The following PTPRZ1 variants were observed in gnomAD, a reference collection of about 807,000 sequenced individuals.
PTPRZ1 encodes the protein protein tyrosine phosphatase receptor type Z1.
A neutral mutation model predicts 214.1 loss-of-function variants in PTPRZ1; 82 were observed. That is an observed-to-expected ratio of 0.38 (90% confidence interval 0.32 to 0.46). The LOEUF (loss-of-function observed/expected upper bound fraction) is 0.46, where lower values mean the gene tolerates loss of function less well. Among genes scored for constraint, PTPRZ1 ranks in the 20% least tolerant of loss-of-function variants. The pLI is 1.00. For missense variants in PTPRZ1, 2,603 were observed against 2,748.7 expected, an observed-to-expected ratio of 0.95 and a Z score of 1.19; for synonymous variants, 945 against 987.9, an observed-to-expected ratio of 0.96 and a Z score of 0.81.
chr7:121,983,940 T>G (rs1359700631), intron 7 of PTPRZ1, 27 bp from the exon 8 acceptor site: 4 of 1,607,316 alleles, frequency 2.5e-6, no homozygotes, highest in Admixed American at 3.4e-5. Flanking sequence ...GAAGCAGATA[T>G]GTTAAATTAT....
At chr7:122,003,095 G>T (rs1301278093) in intron 10 of PTPRZ1, among the ~76,000 whole-genome samples, 1 of 152,138 alleles carries the variant, frequency 6.6e-6, no homozygotes, top group African/African-American at 2.4e-5. Flanking sequence ...AAAGACACAA[G>T]TGTTTGAGAT....
chr7:121,986,604 C>G lies in PTPRZ1; in HGVS notation c.928+2487C>G, dbSNP rs185908620. On this transcript the variant is annotated intron_variant, in intron 8 of 29. Transcript: ENST00000393386. ...GGAGCTTGTAGGAATCGATTTTATT[C>G]CCTTAGACTATGTGTGTATATTGTC... Among the ~76,000 whole-genome samples the G allele has an allele frequency of 4.0e-3, 610 of 152,178 alleles. 6 individuals carry two copies. Among genetic ancestry groups the G allele is most frequent in the South Asian group, 4.2e-3 (20 of 4,818 alleles).
chr7:122,014,941 G>A (rs1280955469), intron 12 of PTPRZ1, among the ~76,000 whole-genome samples: 3 of 152,084 alleles, frequency 2.0e-5, no homozygotes, highest in African/African-American at 4.8e-5. Flanking sequence ...GCATTAATAT[G>A]TACAGTATGT....
At chr7:121,956,535 G>A (rs1260091244) in intron 2 of PTPRZ1, among the ~76,000 whole-genome samples, 1 of 152,194 alleles carries the variant, frequency 6.6e-6, no homozygotes, top group African/African-American at 2.4e-5. Flanking sequence ...GAAATGAAAT[G>A]AAAATGGCAG....
chr7:122,000,932 C>T (rs1027216212), intron 10 of PTPRZ1, among the ~76,000 whole-genome samples: 3 of 151,790 alleles, frequency 2.0e-5, no homozygotes, highest in African/African-American at 7.3e-5. Context: ...GATCCACCCA[C>T]CTCAGCCTCC....
At chr7:122,041,111 T>C (rs1799718759) in intron 21 of PTPRZ1, 132 bp downstream of exon 21, 1 of 798,516 alleles carries the variant, frequency 1.3e-6, no homozygotes, top group Non-Finnish European at 1.8e-6. Context: ...TATGTTCATT[T>C]TCATAAGTAT....
chr7:122,051,810 G>GTTGTTTTGTT lies in PTPRZ1; in HGVS notation c.6179-33_6179-24dup, dbSNP rs367945464. ...AGATGGTACAGTGCTGTGAGCATGAGTTGTTTTGTTTTGTTTTGTTTTGTT... is the reference window on the plus strand; with the variant it reads ...AGATGGTACAGTGCTGTGAGCATGAGTTGTTTTGTTTTGTTTTGTTTTGTTTTGTTTTGTT... On this transcript the variant is annotated intron_variant, in intron 24 of 29. Coordinates refer to ENST00000393386, the MANE Select transcript of PTPRZ1 (RefSeq NM_002851.3). 8.2e-4 allele frequency: 1,160 copies of GTTGTTTTGTT among 1,410,262 alleles called. 5 individuals are homozygous for GTTGTTTTGTT. In the African/African-American group the frequency reaches 0.013, roughly 16 times the overall value. The allele number at this position is 1,410,262 out of a possible 1,614,324, so 87.4% of individuals were successfully genotyped here. A position where few individuals can be genotyped will look rare whatever the true frequency, so the allele number is the denominator to read the frequency against.
chr7:122,052,087 G>T, intron 25 of PTPRZ1, 148 bp downstream of exon 25: 1 of 601,332 alleles, frequency 1.7e-6, no homozygotes. Context: ...ACAGTCCACA[G>T]CAACAGTTGT....
At chr7:122,039,610 C>A in intron 20 of PTPRZ1, 22 bp downstream of exon 20, 11 of 1,610,350 alleles carry the variant, frequency 6.8e-6, no homozygotes, top group Non-Finnish European at 9.3e-6. Flanking sequence ...AAATGATGGG[C>A]ATAATCAAGT....
At chr7:121,927,325 T>C (rs1185383377) in intron 1 of PTPRZ1, among the ~76,000 whole-genome samples, 3 of 152,234 alleles carry the variant, frequency 2.0e-5, no homozygotes, top group South Asian at 4.1e-4. Flanking sequence ...TTAATGTTAG[T>C]ACAGTCAGGG....
chr7:121,880,850 G>A (rs929950696), intron 1 of PTPRZ1, among the ~76,000 whole-genome samples: 4 of 152,148 alleles, frequency 2.6e-5, no homozygotes, highest in Non-Finnish European at 5.9e-5. Context: ...ACACAGAGTT[G>A]TGCAAAATCA....
In PTPRZ1 at chr7:121,972,952, G is replaced by C. The variant is rs532112666; in HGVS notation, c.456+260G>C. On this transcript the variant is annotated intron_variant, in intron 4 of 29. Coordinates refer to ENST00000393386, the MANE Select transcript of PTPRZ1 (RefSeq NM_002851.3). The stretch of plus-strand genomic sequence containing the variant: ...GAATTAATGAAGGAAGGAAAAGGGG[G>C]ACAATTTCATTAACATACTGGAGAA... 2.0e-5 allele frequency among the ~76,000 whole-genome samples: 3 copies of C among 152,142 alleles called. No homozygotes were observed. The East Asian group carries it at 5.8e-4, about 29-fold the overall frequency.
intron 10 of PTPRZ1, among the ~76,000 whole-genome samples, chr7:122,003,131 C>G (rs527588670): frequency 6.6e-6 from 1 of 151,670 alleles, no homozygotes; most frequent in Non-Finnish European, 1.5e-5. Flanking sequence ...AGTTTGGAAA[C>G]GTAAAGAATA....
intron 17 of PTPRZ1, among the ~76,000 whole-genome samples, chr7:122,034,969 C>G (rs937921541): frequency 6.6e-6 from 1 of 151,922 alleles, no homozygotes; most frequent in African/African-American, 2.4e-5. Flanking sequence ...AAATTATTGT[C>G]TTTCTTCTGT....
At chr7:121,910,336 T>A (rs1440929393) in intron 1 of PTPRZ1, among the ~76,000 whole-genome samples, 3 of 152,220 alleles carry the variant, frequency 2.0e-5, no homozygotes, top group African/African-American at 4.8e-5. Flanking sequence ...TTCTCCATAG[T>A]GTTTATCACC....
chr7:121,879,397 T>A (rs933516570), intron 1 of PTPRZ1, among the ~76,000 whole-genome samples: 1 of 152,104 alleles, frequency 6.6e-6, no homozygotes, highest in Non-Finnish European at 1.5e-5. Context: ...AAATAAAGTA[T>A]CTTGAGCCCA....
intron 27 of PTPRZ1, 44 bp from the exon 28 acceptor site, chr7:122,058,756 T>C (rs1183480588): frequency 6.5e-7 from 1 of 1,529,850 alleles, no homozygotes. Flanking sequence ...CCACTCCTGG[T>C]AAACTGTCAC....
intron 1 of PTPRZ1, among the ~76,000 whole-genome samples, chr7:121,886,227 A>C (rs1269046661): frequency 1.3e-5 from 2 of 152,164 alleles, no homozygotes; most frequent in Admixed American, 6.6e-5. Context: ...ATGCCAGACT[A>C]TGAAGTTTCA....
At chr7:121,926,688 T>A (rs908219116) in intron 1 of PTPRZ1, among the ~76,000 whole-genome samples, 1 of 152,168 alleles carries the variant, frequency 6.6e-6, no homozygotes, top group African/African-American at 2.4e-5. Flanking sequence ...TGGAATTTCT[T>A]TTTAGAGTGA....
Sources: gnomAD v4.1 joint callset for allele counts (sites outside exome capture counted in the v4.1 genomes callset) on GRCh38, gnomAD v4.1.1 for gene constraint, MANE v1.5 for transcripts, NCBI Gene and HGNC (gene_info 2026-07-23, HGNC 2026-07-21) for gene names.